Variants in ANKFN1 observed in about 807,000 individuals in gnomAD.
The protein encoded by ANKFN1 is ankyrin repeat and fibronectin type III domain containing 1.
A neutral mutation model predicts 108.7 loss-of-function variants in ANKFN1; 74 were observed. The observed-to-expected ratio is 0.68, with a 90% CI of 0.56 to 0.83. The LOEUF is 0.83. Among genes scored for constraint, ANKFN1 ranks in the 40% least tolerant of loss-of-function variants. The probability of loss-of-function intolerance (pLI) is 0.00; values close to 1 mark genes in which losing one functional copy is unlikely to be tolerated. For synonymous variants in ANKFN1, 547 were observed against 516.2 expected (o/e 1.06, Z -0.81); for missense variants, 1,505 against 1,382.3 (o/e 1.09, Z -1.41).
intron 8 of ANKFN1, among the ~76,000 whole-genome samples, chr17:56,399,572 C>A (rs972164252): frequency 1.3e-5 from 2 of 151,670 alleles, no homozygotes; most frequent in Admixed American, 6.6e-5. Context: ...TTTAGAGCAC[C>A]CATCACCCGA....
At chr17:56,489,450 TAAA>T (rs79704215) in intron 18 of ANKFN1, among the ~76,000 whole-genome samples, 12,190 of 140,120 alleles carry the variant, frequency 0.087, 1,676 homozygotes, top group African/African-American at 0.29. Flanking sequence ...GGTCTGGATT[TAAA>T]AAAAAAAAAA....
chr17:56,231,850 G>A (rs577265054), intron 3 of ANKFN1, among the ~76,000 whole-genome samples: 49 of 152,230 alleles, frequency 3.2e-4, no homozygotes, highest in Admixed American at 2.6e-3. Context: ...CATAAATCAT[G>A]GAACTTTAAT....
At chr17:56,500,099 A>G (rs1281398396) in intron 20 of ANKFN1, among the ~76,000 whole-genome samples, 1 of 152,230 alleles carries the variant, frequency 6.6e-6, no homozygotes, top group Non-Finnish European at 1.5e-5. Flanking sequence ...TACATCTGAC[A>G]CTCAGTTTCC....
intron 19 of ANKFN1, among the ~76,000 whole-genome samples, chr17:56,494,505 T>A (rs1226294358): frequency 6.6e-6 from 1 of 151,954 alleles, no homozygotes; most frequent in Non-Finnish European, 1.5e-5. Context: ...GATGGTAGGA[T>A]CTCTTGAGCC....
chr17:56,385,237 T>C (rs1300292219), intron 8 of ANKFN1, among the ~76,000 whole-genome samples: 3 of 152,220 alleles, frequency 2.0e-5, no homozygotes, highest in Admixed American at 6.5e-5. Context: ...CCCTATTTAA[T>C]AAACACTGCT....
intron 18 of ANKFN1, among the ~76,000 whole-genome samples, chr17:56,483,983 G>A (rs1415240232): frequency 1.3e-5 from 2 of 152,158 alleles, no homozygotes; most frequent in Non-Finnish European, 1.5e-5. Context: ...AAAAAAGAAA[G>A]CACATTCTCT....
intron 1 of ANKFN1, among the ~76,000 whole-genome samples, chr17:56,189,446 A>G (rs1281490949): frequency 1.3e-5 from 2 of 151,870 alleles, no homozygotes; most frequent in Non-Finnish European, 2.9e-5. Flanking sequence ...CTGGGATTAC[A>G]GGCGTGAGCC....
intron 1 of ANKFN1, among the ~76,000 whole-genome samples, chr17:56,181,383 C>T (rs1359992843): frequency 2.0e-5 from 3 of 152,150 alleles, no homozygotes; most frequent in African/African-American, 7.2e-5. Flanking sequence ...AAATCCTTTA[C>T]AAAGCACTTT....
At chr17:56,415,403 G>A (rs986012150) in intron 8 of ANKFN1, among the ~76,000 whole-genome samples, 1 of 152,176 alleles carries the variant, frequency 6.6e-6, no homozygotes, top group Non-Finnish European at 1.5e-5. Context: ...AAAATCAGTA[G>A]CATTTCTGTA....
At position 56,466,384 on chromosome 17, in the gene ANKFN1, G is replaced by C; in HGVS notation, c.1586G>C (p.Arg529Thr). Residue 529 changes from arginine (R) to threonine (T), a missense_variant, in exon 15 of 21, where the codon AGA becomes ACA. Coordinates refer to ENST00000682825, the MANE Select transcript of ANKFN1 (RefSeq NM_001370326.1). ...TTACTTGGGACACACAACTTGGGAA[G>C]AGTTTACTATGAGCCCATTAAAGAT... Reference protein sequence around the residue: ...QNLLGTHNLGRVYYEPIKDRH... With the variant: ...QNLLGTHNLGTVYYEPIKDRH... 2 of 1,614,146 alleles carry C rather than the reference G, an allele frequency of 1.2e-6. No individual in the cohort carries two copies. The highest frequency in any genetic ancestry group is 1.7e-6 in the Non-Finnish European group (2 of 1,180,004).
At chr17:56,494,203 G>A (rs752543940) in intron 19 of ANKFN1, among the ~76,000 whole-genome samples, 30 of 152,140 alleles carry the variant, frequency 2.0e-4, no homozygotes, top group African/African-American at 6.5e-4. Flanking sequence ...TCCTCATCCC[G>A]TGAATGAGAT....
At position 56,457,250 on chromosome 17, in the gene ANKFN1, T is replaced by C. The variant is rs748345884; in HGVS notation, c.1308-7T>C. The C allele has an allele frequency of 3.9e-6, 6 of 1,550,016 alleles. No individual in the cohort carries two copies. In the South Asian group the frequency reaches 4.9e-5, roughly 13 times the overall value. The stretch of plus-strand genomic sequence containing the variant: ...GACAATGCTTTTATTTTCCTTTTTC[T>C]TTTTAGGGGACTCTACATAGCCGTT... On this transcript the variant is annotated splice_polypyrimidine_tract_variant and splice_region_variant and intron_variant, in intron 12 of 20. Transcript: ENST00000682825.
intron 3 of ANKFN1, among the ~76,000 whole-genome samples, chr17:56,294,797 T>A (rs1473441516): frequency 6.6e-6 from 1 of 152,238 alleles, no homozygotes; most frequent in African/African-American, 2.4e-5. Flanking sequence ...AAACTTTCTG[T>A]ACTCTGTACA....
intron 3 of ANKFN1, among the ~76,000 whole-genome samples, chr17:56,231,449 C>G (rs1233301015): frequency 3.9e-5 from 6 of 152,164 alleles, no homozygotes; most frequent in Non-Finnish European, 5.9e-5. Flanking sequence ...TGTTCTGTTT[C>G]TATTCATCGC....
chr17:56,323,458 T>G (rs2045427109), intron 3 of ANKFN1: 1 of 152,644 alleles, frequency 6.6e-6, no homozygotes, highest in South Asian at 2.1e-4. Flanking sequence ...AGCACCAGTC[T>G]GCAGAGACGA....
chr17:56,284,559 T>C (rs1263236855), intron 3 of ANKFN1, among the ~76,000 whole-genome samples: 1 of 152,138 alleles, frequency 6.6e-6, no homozygotes, highest in African/African-American at 2.4e-5. Context: ...CAAAACAATA[T>C]GTGATGGAAA....
At chr17:56,434,722 A>G (rs757170662) in intron 8 of ANKFN1, among the ~76,000 whole-genome samples, 4 of 152,168 alleles carry the variant, frequency 2.6e-5, no homozygotes, top group Non-Finnish European at 5.9e-5. Context: ...AGCAAGACAC[A>G]TCTTCTCATC....
intron 8 of ANKFN1, among the ~76,000 whole-genome samples, chr17:56,394,668 G>C (rs1274198853): frequency 1.3e-5 from 2 of 152,118 alleles, no homozygotes; most frequent in Non-Finnish European, 2.9e-5. Flanking sequence ...GGACTGGTGA[G>C]CTTCCAGTGG....
Position 56,410,773 on chromosome 17 carries a change from G to C in ANKFN1, c.911-29554G>C, listed in dbSNP as rs878897486. Among the ~76,000 whole-genome samples the C allele has an allele frequency of 2.8e-4, 43 of 152,094 alleles. 1 individual carries two copies. The highest frequency in any genetic ancestry group is 1.5e-4 in the Non-Finnish European group (10 of 68,028). ...CTCTGCTTCAGTGAGATTTATTGAA[G>C]AGATTGTCTTTTCTTGACTATATTA... is the stretch of plus-strand genomic sequence containing the variant. On this transcript the variant is annotated intron_variant, in intron 8 of 20. Transcript: ENST00000682825.
Sources: gnomAD v4.1 joint callset for allele counts (sites outside exome capture counted in the v4.1 genomes callset) on GRCh38, gnomAD v4.1.1 for gene constraint, MANE v1.5 for transcripts, NCBI Gene and HGNC (gene_info 2026-07-23, HGNC 2026-07-21) for gene names.